ADAMTS2: variants seen among roughly 807,000 people sequenced by gnomAD.
The protein encoded by ADAMTS2 is A disintegrin and metalloproteinase with thrombospondin motifs 2.
Under a neutral mutation model 123.0 loss-of-function variants are expected in ADAMTS2, and 50 were observed. That is an observed-to-expected ratio of 0.41 (90% CI 0.32 to 0.51). ADAMTS2 has a LOEUF of 0.51. Ranked by LOEUF, ADAMTS2 falls within the 20% of genes least tolerant of loss-of-function variation. The pLI, the probability that ADAMTS2 is intolerant of heterozygous loss-of-function variation, is 0.35. For missense variants in ADAMTS2, 1,494 were observed against 1,705.2 expected, an observed-to-expected ratio of 0.88 and a Z score of 2.18; for synonymous variants, 678 against 695.4, an observed-to-expected ratio of 0.98 and a Z score of 0.39.
At chr5:179,255,761 G>A (rs1403983239) in intron 3 of ADAMTS2, among the ~76,000 whole-genome samples, 1 of 152,198 alleles carries the variant, frequency 6.6e-6, no homozygotes, top group Non-Finnish European at 1.5e-5. Flanking sequence ...AAGCAGGGGT[G>A]GCACGGCACA....
At position 179,122,746 on chromosome 5, in the gene ADAMTS2, G is replaced by C; in HGVS notation, c.2986C>G (p.Gln996Glu). ...GTGCGGCAGAGCACTGGCCGCTCCT[G>C]GGTGCCGTTGCCACAGGTTACTGAG... is the stretch of plus-strand genomic sequence containing the variant. ...QCSVTCGNGT[Q>E]ERPVLCRTAD... is the part of the protein sequence containing the mutation. The change falls in exon 20 of 22, where the codon CAG (glutamine) becomes GAG (glutamate). Residue 996 changes from glutamine to glutamate, a missense_variant. Gln to Glu is a conservative substitution (Grantham distance 29). This residue lies in a region of ADAMTS2 where 953 missense variants were observed against 1,124.7 expected (regional missense o/e 0.85). Coordinates refer to ENST00000251582, the MANE Select transcript of ADAMTS2 (RefSeq NM_014244.5). 1 of 1,554,438 alleles carries C rather than the reference G, an allele frequency of 6.4e-7. No homozygotes were observed. Among genetic ancestry groups the C allele is most frequent in the Non-Finnish European group, 8.7e-7 (1 of 1,149,334 alleles).
Position 179,232,452 on chromosome 5 carries a change from C to G in ADAMTS2, c.689-24737G>C, listed in dbSNP as rs575573966. On this transcript the variant is annotated intron_variant, in intron 3 of 21. Transcript: ENST00000251582. ...GATGGGGAAACTGAGAAAGGCTATC[C>G]CAATTTCACACTGCTCGGAAGTGTC... is the stretch of plus-strand genomic sequence containing the variant. Among the ~76,000 whole-genome samples the G allele has an allele frequency of 4.4e-4, 67 of 152,318 alleles. 1 individual carries two copies. The highest frequency in any genetic ancestry group is 1.4e-3 in the Admixed American group (22 of 15,298).
At chr5:179,273,698 C>T (rs1288661279) in intron 2 of ADAMTS2, among the ~76,000 whole-genome samples, 4 of 152,050 alleles carry the variant, frequency 2.6e-5, no homozygotes, top group African/African-American at 9.7e-5. Flanking sequence ...GTCCCTACTG[C>T]CCCCCAACTG....
intron 2 of ADAMTS2, among the ~76,000 whole-genome samples, chr5:179,319,711 TA>T (rs1218737727): frequency 7.0e-6 from 1 of 143,002 alleles, no homozygotes. Context: ...ACCAGTAGAA[TA>T]GAAGCCTCTC....
chr5:179,159,570 C>T (rs1264994431), intron 5 of ADAMTS2, among the ~76,000 whole-genome samples: 2 of 152,122 alleles, frequency 1.3e-5, no homozygotes, highest in Non-Finnish European at 2.9e-5. Context: ...CATGGGAAGC[C>T]CCCGGGAACC....
At chr5:179,121,445 T>G (rs1200894071) in intron 21 of ADAMTS2, 2 of 409,440 alleles carry the variant, frequency 4.9e-6, no homozygotes, top group African/African-American at 4.1e-5. Context: ...CCAACCAGGT[T>G]CGGCCCCAGC....
chr5:179,259,011 C>A (rs76604404), intron 3 of ADAMTS2, among the ~76,000 whole-genome samples: 5,680 of 152,242 alleles, frequency 0.037, 144 homozygotes, highest in Non-Finnish European at 0.06. Context: ...AGGACAGCAG[C>A]CTCCTGCCGG....
chr5:179,263,752 CAGAA>C (rs1454948952), intron 3 of ADAMTS2, among the ~76,000 whole-genome samples: 1 of 152,212 alleles, frequency 6.6e-6, no homozygotes, highest in African/African-American at 2.4e-5. Context: ...GAAGGTGAGA[CAGAA>C]GGAGAGAAAA....
At chr5:179,330,164 C>T (rs1447166068) in intron 2 of ADAMTS2, among the ~76,000 whole-genome samples, 3 of 149,968 alleles carry the variant, frequency 2.0e-5, no homozygotes, top group African/African-American at 7.3e-5. Flanking sequence ...AAACAAGTTT[C>T]AACAATAACA....
At chr5:179,267,976 A>G (rs1021671312) in intron 3 of ADAMTS2, among the ~76,000 whole-genome samples, 1 of 152,226 alleles carries the variant, frequency 6.6e-6, no homozygotes, top group African/African-American at 2.4e-5. Context: ...GGCCCTGCCA[A>G]GCCAGCTGTT....
Position 179,136,124 on chromosome 5 carries a change from A to T in ADAMTS2, c.1952-82T>A, listed in dbSNP as rs1549603. On this transcript the variant is annotated intron_variant, in intron 12 of 21. Transcript: ENST00000251582. Reference sequence around the variant, plus strand: ...TGCAAAGGAGGCACCAAGCAGGAGAAATTTCCACAAGGGTCCCCACGTGGC... The same window carrying T: ...TGCAAAGGAGGCACCAAGCAGGAGATATTTCCACAAGGGTCCCCACGTGGC... 0.24 allele frequency: 382,137 copies of T among 1,607,882 alleles called. 46,878 individuals are homozygous for T. The highest frequency in any genetic ancestry group is 0.25 in the African/African-American group (18,934 of 74,760).
At chr5:179,342,455 C>T (rs1334374868) in intron 2 of ADAMTS2, among the ~76,000 whole-genome samples, 1 of 152,238 alleles carries the variant, frequency 6.6e-6, no homozygotes, top group African/African-American at 2.4e-5. Flanking sequence ...CAAGTTCTAA[C>T]TAAATCCAGC....
chr5:179,158,187 G>T lies in ADAMTS2; in HGVS notation c.1132+536C>A, dbSNP rs1026757554. ...TCACCATGTTAGCCAAGATGGTCTC[G>T]ATCTCCTGACCTCGTGATCTACCTG... On this transcript the variant is annotated intron_variant, in intron 6 of 21. Transcript: ENST00000251582. This position sits in a 1 kb window ranked among gnomAD's most constrained non-coding sequence, Gnocchi z 5.0. 1.3e-5 allele frequency among the ~76,000 whole-genome samples: 2 copies of T among 151,992 alleles called. No homozygotes were observed. Among genetic ancestry groups the T allele is most frequent in the Admixed American group, 1.3e-4 (2 of 15,266 alleles).
intron 4 of ADAMTS2, among the ~76,000 whole-genome samples, chr5:179,204,530 G>A (rs761279865): frequency 3.9e-5 from 6 of 152,300 alleles, no homozygotes; most frequent in East Asian, 1.9e-4. Context: ...AAGCTCTGTC[G>A]CACAGCAGGG....
At position 179,308,763 on chromosome 5, in the gene ADAMTS2, C is replaced by T. The variant is rs979508301; in HGVS notation, c.534+35004G>A. Among the ~76,000 whole-genome samples, 7 of 152,156 alleles carry T rather than the reference C, an allele frequency of 4.6e-5. No homozygotes were observed. The highest frequency in any genetic ancestry group is 1.0e-4 in the Non-Finnish European group (7 of 68,016). ...CAGGGCGCGGGCTGCCATGGAACCCCACCCTCCTGCAGGTTCCTGGCCCCT... is the reference window on the plus strand; with the variant it reads ...CAGGGCGCGGGCTGCCATGGAACCCTACCCTCCTGCAGGTTCCTGGCCCCT... On this transcript the variant is annotated intron_variant, in intron 2 of 21. Transcript: ENST00000251582. This position sits in a 1 kb window ranked among gnomAD's most constrained non-coding sequence, Gnocchi z 6.6.
At chr5:179,319,310 A>G (rs974274919) in intron 2 of ADAMTS2, among the ~76,000 whole-genome samples, 4 of 152,210 alleles carry the variant, frequency 2.6e-5, no homozygotes, top group Admixed American at 6.5e-5. Flanking sequence ...TGCCCCATGC[A>G]TGTGCATGGC....
chr5:179,284,193 G>C (rs1755932549), intron 2 of ADAMTS2, among the ~76,000 whole-genome samples: 1 of 150,586 alleles, frequency 6.6e-6, no homozygotes, highest in Admixed American at 6.6e-5. Flanking sequence ...GCCGGGCTTG[G>C]TGGTACGCGC....
At position 179,111,803 on chromosome 5, in the gene ADAMTS2, T is replaced by C. The variant is rs759155545; in HGVS notation, c.*2064A>G. 22 of 152,338 alleles carry C rather than the reference T, an allele frequency of 1.4e-4. No individual in the cohort carries two copies. The highest frequency in any genetic ancestry group is 3.2e-4 in the Non-Finnish European group (22 of 68,108). 9.4% of individuals were successfully genotyped at this position (152,338 alleles called of 1,614,324 possible). The stretch of plus-strand genomic sequence containing the variant: ...TTCAGCCTGTGAATAGCACCAGCTG[T>C]CCTGGGTTCAACCAACAATGGAAAG... On this transcript the variant is annotated 3_prime_UTR_variant, in exon 22 of 22. Transcript: ENST00000251582.
At position 179,304,308 on chromosome 5, in the gene ADAMTS2, T is replaced by C. The variant is rs116651627; in HGVS notation, c.535-31244A>G. Among the ~76,000 whole-genome samples, 1,350 of 152,278 alleles carry C rather than the reference T, an allele frequency of 8.9e-3. 21 individuals are homozygous for C. Among genetic ancestry groups the C allele is most frequent in the African/African-American group, 0.031 (1,299 of 41,554 alleles). On this transcript the variant is annotated intron_variant, in intron 2 of 21. Coordinates refer to ENST00000251582, the MANE Select transcript of ADAMTS2 (RefSeq NM_014244.5). ...TGTCCAGGATACAGTCCAAAATTAC[T>C]TGGCATACCAAGAACCAGGAAAATC...
Sources: gnomAD v4.1 joint callset for allele counts (sites outside exome capture counted in the v4.1 genomes callset) on GRCh38, gnomAD v4.1.1 for gene constraint, gnomAD v4.1.1 regional missense constraint, Gnocchi (gnomAD v3.1) non-coding constraint, MANE v1.5 for transcripts, NCBI Gene and HGNC (gene_info 2026-07-23, HGNC 2026-07-21) for gene names.